The following RAPGEF5 variants were observed in gnomAD, a reference collection of about 807,000 sequenced individuals.
RAPGEF5 encodes Rap guanine nucleotide exchange factor 5, also known as M-Ras-regulated GEF.
A neutral mutation model predicts 125.2 loss-of-function variants in RAPGEF5; 65 were observed. The ratio of observed to expected loss-of-function variants is 0.52; its 90% CI spans 0.43 to 0.64. The LOEUF is 0.64. Among genes scored for constraint, RAPGEF5 ranks in the 30% least tolerant of loss-of-function variants. The pLI, the probability that RAPGEF5 is intolerant of heterozygous loss-of-function variation, is 0.00. For synonymous variants in RAPGEF5, 391 were observed against 385.9 expected (o/e 1.01, Z -0.16); for missense variants, 958 against 1,048.1 (o/e 0.91, Z 1.19).
chr7:22,352,933 A>G (rs1784357114), intron 1 of RAPGEF5, among the ~76,000 whole-genome samples: 1 of 152,240 alleles, frequency 6.6e-6, no homozygotes, highest in African/African-American at 2.4e-5. Flanking sequence ...ATCATTAAGT[A>G]GAAGACAGAC....
chr7:22,129,511 C>T (rs1782849721), intron 24 of RAPGEF5, among the ~76,000 whole-genome samples: 1 of 152,198 alleles, frequency 6.6e-6, no homozygotes, highest in Non-Finnish European at 1.5e-5. Context: ...TTTCATTAAT[C>T]CCAAACGACA....
chr7:22,273,508 G>A (rs1264804597), intron 6 of RAPGEF5, among the ~76,000 whole-genome samples: 1 of 152,156 alleles, frequency 6.6e-6, no homozygotes, highest in Non-Finnish European at 1.5e-5. Context: ...GTGAGCCACC[G>A]CGCCCGGCCA....
chr7:22,231,771 C>T lies in RAPGEF5; in HGVS notation c.797-852G>A, dbSNP rs564896078. ...ATTCTTCTGTTTTAACAAATATTTA[C>T]GGAGCAGCTATTATGTCCATAGCAG... On this transcript the variant is annotated intron_variant, in intron 7 of 25. Transcript: ENST00000665637. Among the ~76,000 whole-genome samples the T allele has an allele frequency of 1.3e-3, 202 of 152,290 alleles. 2 individuals are homozygous for T. Among genetic ancestry groups the T allele is most frequent in the Non-Finnish European group, 1.7e-3 (119 of 68,032 alleles).
chr7:22,310,531 T>C (rs1003261994), intron 3 of RAPGEF5, among the ~76,000 whole-genome samples: 1 of 152,234 alleles, frequency 6.6e-6, no homozygotes, highest in Non-Finnish European at 1.5e-5. Context: ...GCTTTTACCT[T>C]GGTAAGCTAC....
chr7:22,188,896 A>G (rs936125436), intron 11 of RAPGEF5, among the ~76,000 whole-genome samples: 1 of 152,034 alleles, frequency 6.6e-6, no homozygotes, highest in African/African-American at 2.4e-5. Flanking sequence ...AACAGTAACG[A>G]ACTCACTTTT....
intron 7 of RAPGEF5, among the ~76,000 whole-genome samples, chr7:22,234,438 G>A (rs1053097860): frequency 6.6e-6 from 1 of 152,174 alleles, no homozygotes; most frequent in Non-Finnish European, 1.5e-5. Context: ...TTCTGGGACC[G>A]AGGGAGGCTA....
At chr7:22,296,870 G>C (rs560331836) in intron 5 of RAPGEF5, among the ~76,000 whole-genome samples, 2 of 152,178 alleles carry the variant, frequency 1.3e-5, no homozygotes. Flanking sequence ...TGGAAAAACT[G>C]CTTCCAGGAC....
intron 9 of RAPGEF5, among the ~76,000 whole-genome samples, chr7:22,213,850 G>A (rs1434127321): frequency 1.3e-5 from 2 of 151,910 alleles, no homozygotes; most frequent in East Asian, 1.9e-4. Context: ...AATAATGCTG[G>A]GATTGCTTGA....
chr7:22,203,559 C>T (rs997883263), intron 9 of RAPGEF5, among the ~76,000 whole-genome samples: 1 of 152,184 alleles, frequency 6.6e-6, no homozygotes, highest in Non-Finnish European at 1.5e-5. Context: ...GCCACGGTCA[C>T]CTGAAGTGAG....
Position 22,234,643 on chromosome 7 carries a change from G to T in RAPGEF5, c.797-3724C>A, listed in dbSNP as rs573746253. ...TGTATGTGGATTAATTAACAGATTC[G>T]TTAAGGGTACCTAGTTTAAATGTAT... On this transcript the variant is annotated intron_variant, in intron 7 of 25. Coordinates refer to ENST00000665637, the MANE Select transcript of RAPGEF5 (RefSeq NM_012294.5). Among the ~76,000 whole-genome samples the T allele has an allele frequency of 7.9e-5, 12 of 152,276 alleles. No individual in the cohort carries two copies. In the East Asian group the frequency reaches 2.3e-3, roughly 29 times the overall value.
chr7:22,256,253 C>T (rs1786757469), intron 7 of RAPGEF5, among the ~76,000 whole-genome samples: 1 of 152,222 alleles, frequency 6.6e-6, no homozygotes, highest in South Asian at 2.1e-4. Flanking sequence ...GACTGTTAAA[C>T]TCTACAGAGT....
At chr7:22,169,859 CAAAAAAA>C (rs71026858) in intron 11 of RAPGEF5, among the ~76,000 whole-genome samples, 4 of 25,936 alleles carry the variant, frequency 1.5e-4, no homozygotes, top group Admixed American at 8.1e-4. Context: ...GACTCTGTGT[CAAAAAAA>C]AAAAAAAAAA....
At chr7:22,333,733 T>C (rs1783970384) in intron 1 of RAPGEF5, among the ~76,000 whole-genome samples, 1 of 152,230 alleles carries the variant, frequency 6.6e-6, no homozygotes, top group East Asian at 1.9e-4. Context: ...ACTTGTTATA[T>C]AACCTGTTTG....
intron 18 of RAPGEF5, among the ~76,000 whole-genome samples, chr7:22,148,599 G>T (rs561318764): frequency 2.0e-5 from 3 of 152,288 alleles, no homozygotes; most frequent in African/African-American, 7.2e-5. Context: ...AATTTTAGGT[G>T]GTGTCAAGAG....
At chr7:22,228,027 CT>C (rs1469806240) in intron 8 of RAPGEF5, among the ~76,000 whole-genome samples, 1 of 152,182 alleles carries the variant, frequency 6.6e-6, no homozygotes. Flanking sequence ...AATGCTGCAA[CT>C]TGGCCCAGTT....
intron 9 of RAPGEF5, among the ~76,000 whole-genome samples, chr7:22,203,650 A>G (rs980192375): frequency 3.3e-5 from 5 of 152,212 alleles, no homozygotes; most frequent in Admixed American, 6.5e-5. Context: ...TCGGAGGTAC[A>G]TCCATTCGCC....
At chr7:22,313,560 C>T (rs1051535237) in intron 3 of RAPGEF5, among the ~76,000 whole-genome samples, 7 of 152,176 alleles carry the variant, frequency 4.6e-5, no homozygotes, top group African/African-American at 1.2e-4. Flanking sequence ...ATTCTATTCC[C>T]GTTAAACCCT....
At chr7:22,331,812 AAAG>A (rs1783927101) in intron 1 of RAPGEF5, among the ~76,000 whole-genome samples, 1 of 152,104 alleles carries the variant, frequency 6.6e-6, no homozygotes, top group Non-Finnish European at 1.5e-5. Flanking sequence ...AACATTCAAG[AAAG>A]AAGGAGTACA....
chr7:22,310,818 G>A (rs774725326), intron 3 of RAPGEF5, among the ~76,000 whole-genome samples: 2 of 152,068 alleles, frequency 1.3e-5, no homozygotes, highest in African/African-American at 2.4e-5. Context: ...CACTAACCAC[G>A]CATGAAAAAT....
Sources: gnomAD v4.1 joint callset for allele counts (sites outside exome capture counted in the v4.1 genomes callset) on GRCh38, gnomAD v4.1.1 for gene constraint, MANE v1.5 for transcripts, NCBI Gene and HGNC (gene_info 2026-07-23, HGNC 2026-07-21) for gene names.